The following SHCBP1L variants were observed in gnomAD, a reference collection of about 807,000 sequenced individuals.
SHCBP1L encodes testicular spindle-associated protein SHCBP1L.
A neutral mutation model predicts 62.5 loss-of-function variants in SHCBP1L; 67 were observed. That is an observed-to-expected ratio of 1.07 (90% CI 0.88 to 1.31). The LOEUF is 1.31. SHCBP1L is among the 40% of genes most tolerant of loss of function. The pLI is 0.00. For synonymous variants in SHCBP1L, 284 were observed against 289.4 expected, an observed-to-expected ratio of 0.98 and a Z score of 0.19; for missense variants, 823 against 809.8, an observed-to-expected ratio of 1.02 and a Z score of -0.20.
intron 6 of SHCBP1L, among the ~76,000 whole-genome samples, chr1:182,925,153 A>G (rs1650703206): frequency 6.6e-6 from 1 of 152,108 alleles, no homozygotes; most frequent in Admixed American, 6.5e-5. Context: ...TGAAATAGTG[A>G]ATAAGGTTAA....
intron 2 of SHCBP1L, among the ~76,000 whole-genome samples, chr1:182,946,698 T>C (rs1651579097): frequency 6.6e-6 from 1 of 152,232 alleles, no homozygotes; most frequent in African/African-American, 2.4e-5. Context: ...CTCTTTCTTC[T>C]CTCCTTCTGG....
chr1:182,900,012 T>C lies in SHCBP1L; in HGVS notation c.1933A>G (p.Lys645Glu). ...MNNNKIEANV[K>E]GDIRIVTS Reference sequence around the variant, plus strand: ...CTTGTGACTATTCTGATATCCCCCTTGACGTTTGCTTCTATCTTATTATTA... The same window carrying C: ...CTTGTGACTATTCTGATATCCCCCTCGACGTTTGCTTCTATCTTATTATTA... The change falls in exon 10 of 10, where the codon AAG becomes GAG. Residue 645 changes from lysine (K) to glutamate (E), a missense_variant. By Grantham distance (56) the Lys-to-Glu change is moderately conservative. Transcript: ENST00000367547. 1 of 1,611,676 alleles carries C rather than the reference T, an allele frequency of 6.2e-7. No homozygotes were observed. Among genetic ancestry groups the C allele is most frequent in the South Asian group, 1.1e-5 (1 of 90,456 alleles).
rs1651281518 is a variant in SHCBP1L, at chr1:182,939,376, A to T, written c.876T>A (p.Asp292Glu). The change falls in exon 5 of 10, where the codon GAT becomes GAA. Residue 292 changes from aspartate to glutamate, a missense_variant. By Grantham distance (45) the Asp-to-Glu change is conservative. Coordinates refer to ENST00000367547, the MANE Select transcript of SHCBP1L (RefSeq NM_030933.4). ...ERINLWCDIQ[D>E]GTIPGPIAQR... ...GTGCGATAGGACCAGGTATTGTTCC[A>T]TCCTGTATATCACACCACCTGAAAA... 1 of 1,613,304 alleles carries T rather than the reference A, an allele frequency of 6.2e-7. No individual in the cohort carries two copies. The highest frequency in any genetic ancestry group is 1.1e-5 in the South Asian group (1 of 90,842).
Position 182,952,786 on chromosome 1 carries a change from C to A in SHCBP1L, c.348G>T (p.Gly116=). The change falls in exon 1 of 10, where the codon GGG becomes GGT. Residue 116 remains glycine (G), a synonymous_variant. Transcript: ENST00000367547. ...LPPVCVSRMR[G]MWRDEKVSLY... ...GCGACACCTTCTCGTCCCGCCACATCCCCCTCATACGGGACACGCAGACTG... is the reference window on the plus strand; with the variant it reads ...GCGACACCTTCTCGTCCCGCCACATACCCCTCATACGGGACACGCAGACTG... 6.2e-7 allele frequency: 1 copy of A among 1,612,600 alleles called. No homozygotes were observed.
At chr1:182,910,101 C>G (rs185284604) in intron 6 of SHCBP1L, among the ~76,000 whole-genome samples, 22 of 152,270 alleles carry the variant, frequency 1.4e-4, no homozygotes, top group Admixed American at 3.9e-4. Context: ...GTTAAAGACA[C>G]AAGGAAGAGA....
intron 6 of SHCBP1L, among the ~76,000 whole-genome samples, chr1:182,909,461 G>A (rs1650112572): frequency 6.6e-6 from 1 of 152,128 alleles, no homozygotes; most frequent in Non-Finnish European, 1.5e-5. Flanking sequence ...AAAGAATATT[G>A]AAAAGTAGGC....
At chr1:182,911,052 G>A (rs1405532161) in intron 6 of SHCBP1L, among the ~76,000 whole-genome samples, 1 of 152,002 alleles carries the variant, frequency 6.6e-6, no homozygotes, top group African/African-American at 2.4e-5. Flanking sequence ...ACTATGCCCA[G>A]CTAATTTCTG....
intron 2 of SHCBP1L, among the ~76,000 whole-genome samples, chr1:182,949,735 A>G (rs932755117): frequency 1.3e-5 from 2 of 152,130 alleles, no homozygotes; most frequent in Non-Finnish European, 2.9e-5. Flanking sequence ...GTATTACTGA[A>G]ATATTAACTA....
chr1:182,923,824 A>G lies in SHCBP1L; in HGVS notation c.1182+5823T>C, dbSNP rs530430382. ...CTGGAAGCGTTCCCCTTGAAAAACA[A>G]CAAGACAACGATACCCACTCTTACC... On this transcript the variant is annotated intron_variant, in intron 6 of 9. Transcript: ENST00000367547. 3.9e-5 allele frequency among the ~76,000 whole-genome samples: 6 copies of G among 152,316 alleles called. No homozygotes were observed. The South Asian group carries it at 1.0e-3, about 26-fold the overall frequency.
intron 6 of SHCBP1L, among the ~76,000 whole-genome samples, chr1:182,928,032 T>G (rs1210111377): frequency 6.6e-6 from 1 of 152,134 alleles, no homozygotes; most frequent in Non-Finnish European, 1.5e-5. Flanking sequence ...TTTTAAAAGG[T>G]GTTTATAAAG....
chr1:182,943,281 T>G (rs1651433200), intron 2 of SHCBP1L, among the ~76,000 whole-genome samples: 1 of 146,344 alleles, frequency 6.8e-6, no homozygotes, highest in Non-Finnish European at 1.5e-5. Context: ...CTTGATTTTT[T>G]TTTTTTTTTT....
In SHCBP1L at chr1:182,949,687, A is replaced by G. The variant is rs115786146; in HGVS notation, c.555+1631T>C. On this transcript the variant is annotated intron_variant, in intron 2 of 9. Coordinates refer to ENST00000367547, the MANE Select transcript of SHCBP1L (RefSeq NM_030933.4). ...ACTCCAGCCTGGGCAACAGAGTTAG[A>G]CCTTATCTTGAAAAAAAAAGAAAAA... 4.3e-3 allele frequency among the ~76,000 whole-genome samples: 660 copies of G among 151,732 alleles called. 8 individuals are homozygous for G. Among genetic ancestry groups the G allele is most frequent in the African/African-American group, 0.015 (630 of 41,348 alleles).
At chr1:182,927,086 A>ACTCTC (rs1650783616) in intron 6 of SHCBP1L, among the ~76,000 whole-genome samples, 2 of 35,680 alleles carry the variant, frequency 5.6e-5, no homozygotes, top group South Asian at 9.2e-4. Flanking sequence ...ATATATATAT[A>ACTCTC]TATATATATA....
At chr1:182,946,270 A>T (rs931066495) in intron 2 of SHCBP1L, among the ~76,000 whole-genome samples, 1 of 152,090 alleles carries the variant, frequency 6.6e-6, no homozygotes, top group African/African-American at 2.4e-5. Context: ...TTACAATTTG[A>T]CAATTTGCTT....
chr1:182,905,002 C>T (rs992900420), intron 7 of SHCBP1L, among the ~76,000 whole-genome samples: 27 of 152,178 alleles, frequency 1.8e-4, no homozygotes, highest in African/African-American at 6.5e-4. Flanking sequence ...CTGCCTCAGC[C>T]TTCCAAAGTG....
Position 182,899,933 on chromosome 1 carries a change from G to A in SHCBP1L, c.*50C>T, listed in dbSNP as rs750212083. 6.7e-7 allele frequency: 1 copy of A among 1,485,572 alleles called. No homozygotes were observed. The highest frequency in any genetic ancestry group is 1.4e-5 in the South Asian group (1 of 69,238). The allele number at this position is 1,485,572 out of a possible 1,614,324, so 92.0% of individuals were successfully genotyped here. ...CATTTCAGTGGGGTATGAGAATCAT[G>A]TATTAAACAAATTTGTGAAATATAA... On this transcript the variant is annotated 3_prime_UTR_variant, in exon 10 of 10. Coordinates refer to ENST00000367547, the MANE Select transcript of SHCBP1L (RefSeq NM_030933.4).
At chr1:182,925,661 T>C (rs879795345) in intron 6 of SHCBP1L, among the ~76,000 whole-genome samples, 1 of 152,216 alleles carries the variant, frequency 6.6e-6, no homozygotes, top group Non-Finnish European at 1.5e-5. Flanking sequence ...AGTTTGGCAA[T>C]TCCTCATAAA....
At chr1:182,902,579 G>A (rs1649879862) in intron 9 of SHCBP1L, among the ~76,000 whole-genome samples, 1 of 152,128 alleles carries the variant, frequency 6.6e-6, no homozygotes, top group African/African-American at 2.4e-5. Flanking sequence ...AGAAAGACAA[G>A]ATTTATAGAA....
intron 8 of SHCBP1L, among the ~76,000 whole-genome samples, chr1:182,903,561 T>C (rs748757415): frequency 1.3e-5 from 2 of 152,238 alleles, no homozygotes; most frequent in Non-Finnish European, 2.9e-5. Flanking sequence ...AAGATGCTCT[T>C]ATTTTTCTAC....
Sources: gnomAD v4.1 joint callset for allele counts (sites outside exome capture counted in the v4.1 genomes callset) on GRCh38, gnomAD v4.1.1 for gene constraint, MANE v1.5 for transcripts, NCBI Gene and HGNC (gene_info 2026-07-23, HGNC 2026-07-21) for gene names.